MLIP: variants seen among roughly 807,000 people sequenced by gnomAD.
The protein encoded by MLIP is muscular LMNA-interacting protein.
A neutral mutation model predicts 84.8 loss-of-function variants in MLIP; 79 were observed. That is an observed-to-expected ratio of 0.93 (90% CI 0.78 to 1.12). The LOEUF (loss-of-function observed/expected upper bound fraction) is 1.12. Ranked by LOEUF, MLIP falls within the 50% of genes most tolerant of loss-of-function variation. The pLI, the probability that MLIP is intolerant of heterozygous loss-of-function variation, is 0.00. For synonymous variants in MLIP, 504 were observed against 463.0 expected, an observed-to-expected ratio of 1.09 and a Z score of -1.14; for missense variants, 1,257 against 1,160.6, an observed-to-expected ratio of 1.08 and a Z score of -1.21.
At chr6:54,103,858 A>C (rs907106625) in intron 1 of MLIP, among the ~76,000 whole-genome samples, 2 of 152,148 alleles carry the variant, frequency 1.3e-5, no homozygotes, top group Non-Finnish European at 2.9e-5. Flanking sequence ...TTTAAAATGC[A>C]GTTGCTTCTG....
intron 8 of MLIP, among the ~76,000 whole-genome samples, chr6:54,164,494 A>G (rs1774981623): frequency 6.6e-6 from 1 of 151,910 alleles, no homozygotes; most frequent in Non-Finnish European, 1.5e-5. Context: ...TAATCACTGT[A>G]AACTCCATCC....
At chr6:54,150,937 C>T (rs954603339) in intron 5 of MLIP, among the ~76,000 whole-genome samples, 27 of 152,124 alleles carry the variant, frequency 1.8e-4, no homozygotes, top group Non-Finnish European at 3.1e-4. Flanking sequence ...AGTTCATGTG[C>T]AAAAGGTTTT....
chr6:54,093,077 A>G (rs1044270590), intron 1 of MLIP, among the ~76,000 whole-genome samples: 1 of 152,076 alleles, frequency 6.6e-6, no homozygotes, highest in Non-Finnish European at 1.5e-5. Context: ...GGGTTTCACC[A>G]TGTTGGCCAT....
chr6:54,187,800 C>G (rs938728456), intron 9 of MLIP, among the ~76,000 whole-genome samples: 2 of 151,990 alleles, frequency 1.3e-5, no homozygotes, highest in African/African-American at 2.4e-5. Context: ...GTGTATATAC[C>G]AAGACCATCC....
intron 9 of MLIP, among the ~76,000 whole-genome samples, chr6:54,170,133 C>A (rs1775627397): frequency 6.6e-6 from 1 of 151,640 alleles, no homozygotes; most frequent in Non-Finnish European, 1.5e-5. Flanking sequence ...ATAGCCTCAT[C>A]CCAAGGCCAG....
intron 4 of MLIP, among the ~76,000 whole-genome samples, chr6:54,140,356 G>A (rs1772187309): frequency 1.3e-5 from 2 of 152,074 alleles, no homozygotes; most frequent in African/African-American, 4.8e-5. Flanking sequence ...ATTGTTTTGG[G>A]GCTCTCTTCC....
chr6:54,056,001 T>A (rs1297207311), intron 1 of MLIP, among the ~76,000 whole-genome samples: 2 of 152,180 alleles, frequency 1.3e-5, no homozygotes, highest in Non-Finnish European at 2.9e-5. Flanking sequence ...CATATTTATA[T>A]ATTTTTTTAA....
chr6:54,067,429 G>A lies in MLIP; in HGVS notation c.63+48338G>A, dbSNP rs368510725. On this transcript the variant is annotated intron_variant, in intron 1 of 12. Coordinates refer to the MLIP transcript ENST00000274897. ...AAACAAAGGGGAAAATCCAAAAGTG[G>A]CACTTTATTTAATTCTTTCTTTTAT... is the stretch of plus-strand genomic sequence containing the variant. Among the ~76,000 whole-genome samples, 23 of 101,098 alleles carry A rather than the reference G, an allele frequency of 2.3e-4. 5 individuals are homozygous for A. The highest frequency in any genetic ancestry group is 5.3e-4 in the African/African-American group (21 of 39,494). 66.3% of individuals were successfully genotyped at this position (101,098 alleles called of 152,430 possible). A position where few individuals can be genotyped will look rare whatever the true frequency, so the allele number is the denominator to read the frequency against.
chr6:54,218,587 T>G (rs1780002558), intron 11 of MLIP, among the ~76,000 whole-genome samples: 2 of 152,106 alleles, frequency 1.3e-5, no homozygotes, highest in South Asian at 4.2e-4. Context: ...TGGTGCGATC[T>G]CGGCTCACTG....
chr6:54,249,756 CAT>C (rs1398336302), intron 12 of MLIP, among the ~76,000 whole-genome samples: 1 of 151,030 alleles, frequency 6.6e-6, no homozygotes, highest in Admixed American at 6.6e-5. Context: ...TACACACACA[CAT>C]ATATATACAC....
chr6:54,223,737 C>T (rs963912547), intron 11 of MLIP, among the ~76,000 whole-genome samples: 2 of 151,932 alleles, frequency 1.3e-5, no homozygotes, highest in African/African-American at 4.8e-5. Context: ...TTGCATACGA[C>T]TTCTGATCTT....
At chr6:54,039,241 G>T (rs1178855556) in intron 1 of MLIP, among the ~76,000 whole-genome samples, 1 of 151,950 alleles carries the variant, frequency 6.6e-6, no homozygotes, top group African/African-American at 2.4e-5. Flanking sequence ...CCTGGGTAAT[G>T]TGCTAGAGAA....
At chr6:54,119,858 T>C (rs1770281500) in intron 1 of MLIP, among the ~76,000 whole-genome samples, 1 of 152,210 alleles carries the variant, frequency 6.6e-6, no homozygotes, top group African/African-American at 2.4e-5. Context: ...TCCCACTCTT[T>C]CCATTTCCAC....
chr6:54,109,747 G>A (rs1481638780), upstream of MLIP, among the ~76,000 whole-genome samples: 1 of 151,966 alleles, frequency 6.6e-6, no homozygotes, highest in Admixed American at 6.6e-5. Flanking sequence ...CTGGGGTGTG[G>A]CTCCCAGGGC....
At chr6:54,117,020 G>T (rs192014344) in intron 1 of MLIP, among the ~76,000 whole-genome samples, 49 of 152,196 alleles carry the variant, frequency 3.2e-4, no homozygotes, top group African/African-American at 1.2e-3. Context: ...AATAGACGCA[G>T]AAAAGCATTT....
chr6:54,160,407 A>G lies in MLIP; in HGVS notation c.2330A>G (p.Asp777Gly), dbSNP rs150973985. The change falls in exon 6 of 14, where the codon GAC becomes GGC. Residue 777 changes from aspartate to glycine, a missense_variant. Coordinates refer to ENST00000502396, the MANE Select transcript of MLIP (RefSeq NM_001281747.2). ...EPAKTESVSK[D>G]NTLEPPVELY... ...GCCAAGACTGAAAGTGTCTCCAAGGACAACACATTAGAACCACCAGTGGAG... is the reference window on the plus strand; with the variant it reads ...GCCAAGACTGAAAGTGTCTCCAAGGGCAACACATTAGAACCACCAGTGGAG... 6 of 1,612,498 alleles carry G rather than the reference A, an allele frequency of 3.7e-6. No homozygotes were observed. Among genetic ancestry groups the G allele is most frequent in the Admixed American group, 3.3e-5 (2 of 59,814 alleles).
At chr6:54,240,778 C>T (rs990379985) in intron 12 of MLIP, among the ~76,000 whole-genome samples, 1 of 152,070 alleles carries the variant, frequency 6.6e-6, no homozygotes, top group African/African-American at 2.4e-5. Flanking sequence ...AGTTCCAGAC[C>T]ATCCTGGCCA....
chr6:54,035,886 G>T lies in MLIP; in HGVS notation c.63+16795G>T, dbSNP rs147781536. ...TAGATGCATGTTCTTTGTTGGATATGTGGTTCGCAAATATTTTCTACCAGG... is the reference window on the plus strand; with the variant it reads ...TAGATGCATGTTCTTTGTTGGATATTTGGTTCGCAAATATTTTCTACCAGG... On this transcript the variant is annotated intron_variant, in intron 1 of 12. Coordinates refer to the MLIP transcript ENST00000274897. 4.1e-3 allele frequency among the ~76,000 whole-genome samples: 620 copies of T among 152,082 alleles called. 3 individuals are homozygous for T. The highest frequency in any genetic ancestry group is 0.014 in the African/African-American group (591 of 41,516).
At chr6:54,134,984 T>TA (rs55902234) in intron 3 of MLIP, among the ~76,000 whole-genome samples, 11,155 of 148,248 alleles carry the variant, frequency 0.075, 579 homozygotes, top group East Asian at 0.24. Context: ...TTCTTTGTGG[T>TA]AAAAAAAAAA....
Sources: gnomAD v4.1 joint callset for allele counts (sites outside exome capture counted in the v4.1 genomes callset) on GRCh38, gnomAD v4.1.1 for gene constraint, MANE v1.5 for transcripts, NCBI Gene and HGNC (gene_info 2026-07-23, HGNC 2026-07-21) for gene names.